The following FRMD4B variants were observed in gnomAD, a reference collection of about 807,000 sequenced individuals.
FRMD4B encodes FERM domain-containing protein 4B.
FRMD4B carries 74 observed loss-of-function variants against 141.5 expected under a neutral mutation model. The observed-to-expected ratio is 0.52, with a 90% CI of 0.43 to 0.63. The LOEUF (loss-of-function observed/expected upper bound fraction) is 0.63. Ranked by LOEUF, FRMD4B falls within the 30% of genes least tolerant of loss-of-function variation. The probability of loss-of-function intolerance (pLI) is 0.00; values close to 1 mark genes in which losing one functional copy is unlikely to be tolerated. For missense variants in FRMD4B, 1,366 were observed against 1,253.4 expected (o/e 1.09, Z -1.36); for synonymous variants, 506 against 467.9 (o/e 1.08, Z -1.05).
intron 10 of FRMD4B, 102 bp downstream of exon 10, chr3:69,218,219 CA>C (rs1471147734): frequency 3.1e-6 from 2 of 640,362 alleles, no homozygotes; most frequent in Non-Finnish European, 5.5e-6. Flanking sequence ...TAATTTGCTA[CA>C]AAAGGCAAGA....
At chr3:69,250,726 C>CT (rs543092302) in intron 5 of FRMD4B, among the ~76,000 whole-genome samples, 11,668 of 134,350 alleles carry the variant, frequency 0.087, 773 homozygotes, top group African/African-American at 0.18. Context: ...ATCAGTTTTC[C>CT]TTTTTTTTTT....
At chr3:69,273,413 T>C (rs1559769492) in intron 5 of FRMD4B, among the ~76,000 whole-genome samples, 1 of 152,232 alleles carries the variant, frequency 6.6e-6, no homozygotes, top group Non-Finnish European at 1.5e-5. Context: ...CTGAGACTCC[T>C]GTGCTTTAAA....
Position 69,193,692 on chromosome 3 carries a change from A to C in FRMD4B, c.1670T>G (p.Ile557Ser). ...CTGGCTGGGTTTCTTTCCACACCTA[A>C]TTCGGTATTCGTTTATTGCATTTTC... The part of the protein sequence containing the change: ...EIENAINEYR[I>S]RCGKKPSQKA... The change falls in exon 17 of 23, where the codon ATT becomes AGT. Residue 557 changes from isoleucine (I) to serine (S), a missense_variant. Transcript: ENST00000398540. 6.2e-7 allele frequency: 1 copy of C among 1,613,364 alleles called. No individual in the cohort carries two copies. Among genetic ancestry groups the C allele is most frequent in the Non-Finnish European group, 8.5e-7 (1 of 1,179,572 alleles).
chr3:69,412,450 A>G (rs1195311707), intron 2 of FRMD4B, among the ~76,000 whole-genome samples: 1 of 152,186 alleles, frequency 6.6e-6, no homozygotes, highest in African/African-American at 2.4e-5. Flanking sequence ...TAGTGAGAGC[A>G]GAGGGGACCG....
intron 1 of FRMD4B, among the ~76,000 whole-genome samples, chr3:69,364,913 C>T (rs77960900): frequency 0.22 from 33,190 of 151,728 alleles, 4,580 homozygotes; most frequent in African/African-American, 0.39. Flanking sequence ...CTTCTCAGTT[C>T]ATCTAAATGA....
chr3:69,455,265 A>C (rs1313847754), intron 1 of FRMD4B, among the ~76,000 whole-genome samples: 1 of 152,244 alleles, frequency 6.6e-6, no homozygotes, highest in African/African-American at 2.4e-5. Context: ...CAGAGGCCAC[A>C]GCAGTGATAG....
At position 69,328,346 on chromosome 3, in the gene FRMD4B, A is replaced by T. The variant is rs561710410; in HGVS notation, c.163-14829T>A. Reference sequence around the variant, plus strand: ...TATGCTACTGCTCGTCTCTTCCCAGATCAGTAAGTCAGTCAAGGTGAGAGT... The same window carrying T: ...TATGCTACTGCTCGTCTCTTCCCAGTTCAGTAAGTCAGTCAAGGTGAGAGT... On this transcript the variant is annotated intron_variant, in intron 1 of 22. Coordinates refer to ENST00000398540, the MANE Select transcript of FRMD4B (RefSeq NM_015123.3). 9.1e-4 allele frequency among the ~76,000 whole-genome samples: 139 copies of T among 152,378 alleles called. 1 individual carries two copies. The highest frequency in any genetic ancestry group is 4.0e-4 in the Non-Finnish European group (27 of 68,040).
At chr3:69,260,537 C>T (rs1418197953) in intron 5 of FRMD4B, among the ~76,000 whole-genome samples, 2 of 152,226 alleles carry the variant, frequency 1.3e-5, no homozygotes, top group Non-Finnish European at 1.5e-5. Flanking sequence ...ACCTGCAGCC[C>T]GCCATGCCTG....
At chr3:69,479,567 A>G (rs554664931) in intron 1 of FRMD4B, among the ~76,000 whole-genome samples, 21 of 152,314 alleles carry the variant, frequency 1.4e-4, no homozygotes, top group South Asian at 1.0e-3. Context: ...AGTTTCTGCC[A>G]AGAGATCCCC....
chr3:69,340,935 G>T (rs1277131371), intron 1 of FRMD4B, among the ~76,000 whole-genome samples: 1 of 152,030 alleles, frequency 6.6e-6, no homozygotes, highest in Non-Finnish European at 1.5e-5. Context: ...TAATTAAAAT[G>T]GAGTTGTGTA....
intron 1 of FRMD4B, among the ~76,000 whole-genome samples, chr3:69,477,350 A>G (rs145217092): frequency 0.2 from 28,004 of 139,468 alleles, 4,047 homozygotes; most frequent in Non-Finnish European, 0.24. Context: ...TTTGTCATAG[A>G]TAGCTCTTAT....
At chr3:69,176,731 T>A in intron 21 of FRMD4B, 75 bp from the exon 22 acceptor site, 1 of 896,452 alleles carries the variant, frequency 1.1e-6, no homozygotes, top group Non-Finnish European at 1.8e-6. Context: ...CATTCAGAGG[T>A]ACATTGCAAT....
chr3:69,356,638 A>T (rs944985512), intron 1 of FRMD4B, among the ~76,000 whole-genome samples: 1 of 147,330 alleles, frequency 6.8e-6, no homozygotes, highest in African/African-American at 2.5e-5. Context: ...TATATAATAT[A>T]TATACATATA....
At position 69,477,213 on chromosome 3, in the gene FRMD4B, T is replaced by C. The variant is rs942068244; in HGVS notation, c.-128-44452A>G. On this transcript the variant is annotated intron_variant, in intron 1 of 5. Coordinates refer to the FRMD4B transcript ENST00000459638. ...CCCTTTATTTCCTTCTCCTGCCTGA[T>C]TTCTCTGGCCAGAACTTCCAACACT... 2.6e-4 allele frequency among the ~76,000 whole-genome samples: 40 copies of C among 152,194 alleles called. 1 individual carries two copies. The highest frequency in any genetic ancestry group is 8.7e-4 in the African/African-American group (36 of 41,478).
chr3:69,363,675 C>T (rs1703546218), intron 1 of FRMD4B, among the ~76,000 whole-genome samples: 1 of 152,188 alleles, frequency 6.6e-6, no homozygotes. Context: ...AGGCGTGAGC[C>T]ACTGCACCTG....
At chr3:69,312,086 T>C (rs1180448214) in intron 2 of FRMD4B, among the ~76,000 whole-genome samples, 2 of 152,124 alleles carry the variant, frequency 1.3e-5, no homozygotes, top group African/African-American at 2.4e-5. Flanking sequence ...TCATCAACAG[T>C]AATGAGCACC....
At chr3:69,187,999 G>T in intron 18 of FRMD4B, 82 bp from the exon 19 acceptor site, 1 of 733,320 alleles carries the variant, frequency 1.4e-6, no homozygotes, top group Non-Finnish European at 2.3e-6. Context: ...CCTCAAAAAA[G>T]AAATTAGAAG....
At chr3:69,315,065 T>C (rs1161563957) in intron 1 of FRMD4B, among the ~76,000 whole-genome samples, 1 of 152,150 alleles carries the variant, frequency 6.6e-6, no homozygotes, top group African/African-American at 2.4e-5. Context: ...AGTCTTCATT[T>C]TGGAAACTCT....
intron 1 of FRMD4B, among the ~76,000 whole-genome samples, chr3:69,367,389 C>T (rs1262481830): frequency 6.6e-6 from 1 of 152,144 alleles, no homozygotes; most frequent in African/African-American, 2.4e-5. Context: ...CCCATCCCTC[C>T]ACACATACAT....
Sources: allele counts gnomAD v4.1 joint callset (sites outside exome capture counted in the v4.1 genomes callset), GRCh38; gene constraint gnomAD v4.1.1; transcripts MANE v1.5; gene names NCBI Gene and HGNC (gene_info 2026-07-23, HGNC 2026-07-21).